Variants in PPFIA2 observed in about 807,000 individuals in gnomAD.
PPFIA2 encodes the protein PPFI scaffold protein A2, also known as liprin-alpha-2.
In PPFIA2, 46 loss-of-function variants were observed where a neutral mutation model predicts 175.5. The observed-to-expected ratio is 0.26, with a 90% CI of 0.21 to 0.34. PPFIA2 has a LOEUF of 0.34. Among genes scored for constraint, PPFIA2 ranks in the 10% least tolerant of loss-of-function variants. The pLI is 1.00. For missense variants in PPFIA2, 1,179 were observed against 1,506.1 expected, an observed-to-expected ratio of 0.78 and a Z score of 3.60; for synonymous variants, 568 against 511.4, an observed-to-expected ratio of 1.11 and a Z score of -1.49.
At chr12:81,657,890 A>C (rs994411907) in intron 4 of PPFIA2, among the ~76,000 whole-genome samples, 1 of 152,148 alleles carries the variant, frequency 6.6e-6, no homozygotes, top group Non-Finnish European at 1.5e-5. Context: ...CCCCCAACCC[A>C]AATTACCATG....
chr12:81,429,472 T>A (rs1309877984), intron 7 of PPFIA2, among the ~76,000 whole-genome samples: 2 of 152,018 alleles, frequency 1.3e-5, no homozygotes, highest in Non-Finnish European at 2.9e-5. Context: ...TTCAGATGAG[T>A]ATTTCTATTA....
intron 8 of PPFIA2, among the ~76,000 whole-genome samples, chr12:81,386,111 GA>G (rs1023475819): frequency 4.1e-5 from 6 of 147,896 alleles, no homozygotes; most frequent in African/African-American, 9.9e-5. Context: ...CTCATTTCTA[GA>G]AAAAAATTAA....
At chr12:81,351,742 A>T (rs1281120699) in intron 17 of PPFIA2, among the ~76,000 whole-genome samples, 3 of 150,658 alleles carry the variant, frequency 2.0e-5, no homozygotes, top group Admixed American at 6.6e-5. Context: ...AAAAATTAAA[A>T]AAAAAAAAAA....
chr12:81,504,794 C>T (rs1004565585), intron 4 of PPFIA2, among the ~76,000 whole-genome samples: 1 of 152,142 alleles, frequency 6.6e-6, no homozygotes, highest in Non-Finnish European at 1.5e-5. Flanking sequence ...CACATATATA[C>T]CATGGAATAC....
chr12:81,743,073 T>C (rs973608291), intron 3 of PPFIA2, among the ~76,000 whole-genome samples: 15 of 151,918 alleles, frequency 9.9e-5, no homozygotes, highest in African/African-American at 3.6e-4. Context: ...ACCCAGGAGT[T>C]GATTCAAGAG....
intron 4 of PPFIA2, among the ~76,000 whole-genome samples, chr12:81,658,678 CATATACAT>C (rs989928680): frequency 6.6e-6 from 1 of 151,704 alleles, no homozygotes; most frequent in African/African-American, 2.4e-5. Flanking sequence ...TATGTGCATA[CATATACAT>C]ATATGATATA....
intron 8 of PPFIA2, among the ~76,000 whole-genome samples, chr12:81,388,717 A>G (rs2039500556): frequency 6.6e-6 from 1 of 152,252 alleles, no homozygotes; most frequent in Non-Finnish European, 1.5e-5. Context: ...AATGTTTCAT[A>G]GAATTGAAAA....
intron 4 of PPFIA2, among the ~76,000 whole-genome samples, chr12:81,633,230 A>G (rs2063595684): frequency 6.6e-6 from 1 of 152,106 alleles, no homozygotes; most frequent in Admixed American, 6.5e-5. Context: ...ACAATCTCAT[A>G]CACTTTGAAT....
At chr12:81,575,381 A>T (rs2073326607) in intron 4 of PPFIA2, among the ~76,000 whole-genome samples, 1 of 151,858 alleles carries the variant, frequency 6.6e-6, no homozygotes, top group African/African-American at 2.4e-5. Context: ...CAATGCAAGC[A>T]TAGTGCTGTA....
At chr12:81,370,772 G>A (rs2034880699) in intron 11 of PPFIA2, among the ~76,000 whole-genome samples, 1 of 151,814 alleles carries the variant, frequency 6.6e-6, no homozygotes, top group Non-Finnish European at 1.5e-5. Context: ...GTTATGCAAG[G>A]ATTACATATG....
intron 16 of PPFIA2, among the ~76,000 whole-genome samples, chr12:81,354,572 C>T (rs1353946190): frequency 6.6e-6 from 1 of 152,112 alleles, no homozygotes; most frequent in Admixed American, 6.6e-5. Context: ...CAGTTATTTC[C>T]TCCACAGAAG....
intron 4 of PPFIA2, among the ~76,000 whole-genome samples, chr12:81,462,583 T>TAC (rs1199269805): frequency 2.1e-4 from 6 of 28,318 alleles, no homozygotes; most frequent in Non-Finnish European, 3.1e-4. Flanking sequence ...TATATATATA[T>TAC]ACATATATAT....
At chr12:81,274,211 T>C (rs1335129526) in intron 28 of PPFIA2, among the ~76,000 whole-genome samples, 3 of 152,208 alleles carry the variant, frequency 2.0e-5, no homozygotes, top group African/African-American at 7.2e-5. Flanking sequence ...TTAATTTTAT[T>C]AAACACACCG....
chr12:81,650,791 GC>G (rs1354664037), intron 4 of PPFIA2, among the ~76,000 whole-genome samples: 1 of 152,170 alleles, frequency 6.6e-6, no homozygotes, highest in Non-Finnish European at 1.5e-5. Context: ...TGCAGTGGAA[GC>G]TATGATTGTT....
intron 4 of PPFIA2, among the ~76,000 whole-genome samples, chr12:81,653,002 A>G (rs1181633750): frequency 6.6e-6 from 1 of 151,870 alleles, no homozygotes. Flanking sequence ...CAAGTCCCCA[A>G]TTCTAACTTC....
At chr12:81,466,655 T>G (rs1295401323) in intron 4 of PPFIA2, among the ~76,000 whole-genome samples, 1 of 151,820 alleles carries the variant, frequency 6.6e-6, no homozygotes, top group African/African-American at 2.4e-5. Context: ...TAGAGATGAG[T>G]CAGCTTGTTT....
chr12:81,448,924 T>G (rs563298974), intron 5 of PPFIA2, among the ~76,000 whole-genome samples: 7 of 152,214 alleles, frequency 4.6e-5, no homozygotes, highest in African/African-American at 1.7e-4. Context: ...TCATGATAGG[T>G]AATCAGAAAA....
At chr12:81,467,256 G>A (rs968979434) in intron 4 of PPFIA2, among the ~76,000 whole-genome samples, 13 of 152,118 alleles carry the variant, frequency 8.5e-5, no homozygotes, top group Non-Finnish European at 1.9e-4. Context: ...TGTTCCTGCA[G>A]TAATTCTTGC....
rs1314891810 is a variant in PPFIA2, at chr12:81,284,221, A to T, written c.2988+20T>A. 1.3e-6 allele frequency: 2 copies of T among 1,541,030 alleles called. No individual in the cohort carries two copies. Among genetic ancestry groups the T allele is most frequent in the Non-Finnish European group, 1.8e-6 (2 of 1,119,296 alleles). On this transcript the variant is annotated intron_variant, in intron 25 of 32. Coordinates refer to ENST00000549396, the MANE Select transcript of PPFIA2 (RefSeq NM_003625.5). ...GCAAAGTCACTTTCCTTCAGGTTCAACAAAGCCATTAAGACTAACCGTTTT... is the reference window on the plus strand; with the variant it reads ...GCAAAGTCACTTTCCTTCAGGTTCATCAAAGCCATTAAGACTAACCGTTTT...
Sources: gnomAD v4.1 joint callset for allele counts (sites outside exome capture counted in the v4.1 genomes callset) on GRCh38, gnomAD v4.1.1 for gene constraint, MANE v1.5 for transcripts, NCBI Gene and HGNC (gene_info 2026-07-23, HGNC 2026-07-21) for gene names.